Variants in MARCHF3 observed in about 807,000 individuals in gnomAD.
MARCHF3 encodes the protein E3 ubiquitin-protein ligase MARCHF3.
In MARCHF3, 13 loss-of-function variants were observed where a neutral mutation model predicts 24.2. The ratio of observed to expected loss-of-function variants is 0.54; its 90% CI spans 0.35 to 0.85. The LOEUF (loss-of-function observed/expected upper bound fraction) is 0.85, where lower values mean the gene tolerates loss of function less well. Among genes scored for constraint, MARCHF3 ranks in the 40% least tolerant of loss-of-function variants. The pLI is 0.01. For missense variants in MARCHF3, 276 were observed against 325.0 expected, an observed-to-expected ratio of 0.85 and a Z score of 1.16; for synonymous variants, 144 against 137.3, an observed-to-expected ratio of 1.05 and a Z score of -0.34.
intron 3 of MARCHF3, among the ~76,000 whole-genome samples, chr5:126,901,657 A>T (rs889688700): frequency 1.3e-5 from 2 of 152,136 alleles, no homozygotes; most frequent in Non-Finnish European, 2.9e-5. Context: ...AAAACTGAAG[A>T]TGCTTGTGGA....
In MARCHF3 at chr5:126,870,264, A is replaced by AATAT. The variant is rs113861488; in HGVS notation, c.*365_*368dup. 3,176 of 153,460 alleles carry AATAT rather than the reference A, an allele frequency of 0.021. 97 individuals carry two copies. Among genetic ancestry groups the AATAT allele is most frequent in the African/African-American group, 0.073 (3,029 of 41,418 alleles). 9.5% of individuals were successfully genotyped at this position (153,460 alleles called of 1,614,324 possible). On this transcript the variant is annotated 3_prime_UTR_variant, in exon 5 of 5. Transcript: ENST00000308660. ...TTGATTTTGATTATCATCTAAGTTT[A>AATAT]ATATATATATATATGTGTGTGTGTT...
chr5:126,956,490 A>G (rs535701234), intron 1 of MARCHF3, among the ~76,000 whole-genome samples: 1 of 151,586 alleles, frequency 6.6e-6, no homozygotes, highest in African/African-American at 2.4e-5. Context: ...ATACAAAAAA[A>G]CAAAATTAGC....
intron 1 of MARCHF3, among the ~76,000 whole-genome samples, chr5:126,983,524 G>C (rs932102479): frequency 6.6e-6 from 1 of 152,196 alleles, no homozygotes; most frequent in Non-Finnish European, 1.5e-5. Flanking sequence ...TTGGATATCA[G>C]CAAAGGCTCT....
chr5:126,991,705 A>G (rs1751767491), intron 1 of MARCHF3, among the ~76,000 whole-genome samples: 1 of 151,204 alleles, frequency 6.6e-6, no homozygotes, highest in Non-Finnish European at 1.5e-5. Flanking sequence ...TGGACGACAG[A>G]GCAAGATTCT....
intron 1 of MARCHF3, among the ~76,000 whole-genome samples, chr5:127,027,866 T>C (rs1181721166): frequency 6.6e-6 from 1 of 152,210 alleles, no homozygotes; most frequent in Non-Finnish European, 1.5e-5. Flanking sequence ...ATCCCTGGCA[T>C]CAGAATCACT....
intron 1 of MARCHF3, among the ~76,000 whole-genome samples, chr5:126,927,566 C>G (rs190559031): frequency 6.6e-6 from 1 of 152,332 alleles, no homozygotes; most frequent in East Asian, 1.9e-4. Flanking sequence ...TCCCCTGCAT[C>G]TTGGTACAGA....
chr5:126,971,619 A>AAAG (rs1751016832), intron 1 of MARCHF3, among the ~76,000 whole-genome samples: 1 of 152,130 alleles, frequency 6.6e-6, no homozygotes, highest in African/African-American at 2.4e-5. Flanking sequence ...TCCTTCACTC[A>AAAG]GCAGCTCTTA....
intron 1 of MARCHF3, among the ~76,000 whole-genome samples, chr5:126,920,704 AT>A: frequency 6.6e-6 from 1 of 152,308 alleles, no homozygotes; most frequent in East Asian, 1.9e-4. Flanking sequence ...TCGCCCAGGC[AT>A]ATAATAGCCC....
intron 3 of MARCHF3, among the ~76,000 whole-genome samples, chr5:126,895,803 A>C (rs1272818507): frequency 6.6e-6 from 1 of 152,148 alleles, no homozygotes; most frequent in Non-Finnish European, 1.5e-5. Flanking sequence ...GAGCCTACAG[A>C]GGCAGGCAGG....
chr5:126,920,408 G>GT (rs1749068891), intron 1 of MARCHF3, among the ~76,000 whole-genome samples: 1 of 152,176 alleles, frequency 6.6e-6, no homozygotes, highest in Admixed American at 6.5e-5. Flanking sequence ...GTCACAAAGT[G>GT]TAACTTCCTG....
intron 3 of MARCHF3, among the ~76,000 whole-genome samples, chr5:126,896,533 T>C (rs1290602224): frequency 1.3e-5 from 2 of 152,060 alleles, no homozygotes; most frequent in Admixed American, 6.6e-5. Context: ...CCCCTAGGTG[T>C]CCCTGTGGCA....
In MARCHF3 at chr5:126,870,079, G is replaced by A. The variant is rs920385830; in HGVS notation, c.*554C>T. ...ACATTCTTCAAATATGACTTGTTCT[G>A]CATCTGTTATGCTGTCTCCTTGAGT... On this transcript the variant is annotated 3_prime_UTR_variant, in exon 5 of 5. Transcript: ENST00000308660. 1 of 152,406 alleles carries A rather than the reference G, an allele frequency of 6.6e-6. No homozygotes were observed. The highest frequency in any genetic ancestry group is 2.4e-5 in the African/African-American group (1 of 41,334). The allele number at this position is 152,406 out of a possible 1,614,324, so 9.4% of individuals were successfully genotyped here.
intron 1 of MARCHF3, among the ~76,000 whole-genome samples, chr5:126,982,075 G>A (rs960797128): frequency 2.6e-5 from 4 of 152,164 alleles, no homozygotes; most frequent in Middle Eastern, 3.2e-3. Context: ...GTTCCAACAT[G>A]TTATGAGGAC....
intron 1 of MARCHF3, among the ~76,000 whole-genome samples, chr5:126,987,963 G>A (rs908015957): frequency 1.3e-5 from 2 of 152,004 alleles, no homozygotes; most frequent in Non-Finnish European, 2.9e-5. Flanking sequence ...TTAACATTAC[G>A]GGAAGCCGCA....
intron 3 of MARCHF3, among the ~76,000 whole-genome samples, chr5:126,909,364 G>T (rs549919323): frequency 4.6e-5 from 7 of 152,306 alleles, no homozygotes; most frequent in African/African-American, 1.7e-4. Flanking sequence ...CAAGCTTCCC[G>T]GCTGCTTTGT....
chr5:126,982,995 C>T (rs1751441354), intron 1 of MARCHF3, among the ~76,000 whole-genome samples: 1 of 152,126 alleles, frequency 6.6e-6, no homozygotes, highest in Non-Finnish European at 1.5e-5. Context: ...CACAGCTGGG[C>T]CCCAGCATTT....
chr5:126,989,292 C>G (rs113344024), intron 1 of MARCHF3, among the ~76,000 whole-genome samples: 251 of 148,720 alleles, frequency 1.7e-3, no homozygotes, highest in African/African-American at 5.7e-3. Flanking sequence ...AATACTACTA[C>G]TACTACTACT....
At chr5:126,898,498 A>T (rs1405860841) in intron 3 of MARCHF3, among the ~76,000 whole-genome samples, 1 of 152,174 alleles carries the variant, frequency 6.6e-6, no homozygotes, top group Non-Finnish European at 1.5e-5. Context: ...TTAGAAAAAT[A>T]TTGGAGCCAT....
chr5:126,948,737 T>G (rs1750114165), intron 1 of MARCHF3, among the ~76,000 whole-genome samples: 1 of 152,202 alleles, frequency 6.6e-6, no homozygotes. Flanking sequence ...AAGATTCTGG[T>G]GTACAAAGAG....
Sources: allele counts gnomAD v4.1 joint callset (sites outside exome capture counted in the v4.1 genomes callset), GRCh38; gene constraint gnomAD v4.1.1; transcripts MANE v1.5; gene names NCBI Gene and HGNC (gene_info 2026-07-23, HGNC 2026-07-21).